The following STK32B variants were observed in gnomAD, a reference collection of about 807,000 sequenced individuals.
STK32B encodes serine/threonine kinase 32B.
Under a neutral mutation model 52.6 loss-of-function variants are expected in STK32B, and 43 were observed. The observed-to-expected ratio is 0.82, with a 90% CI of 0.64 to 1.05. The LOEUF (loss-of-function observed/expected upper bound fraction) is 1.05. STK32B is among the 50% of genes least tolerant of loss of function. The pLI, the probability that STK32B is intolerant of heterozygous loss-of-function variation, is 0.00. For synonymous variants in STK32B, 238 were observed against 204.3 expected (o/e 1.17, Z -1.41); for missense variants, 621 against 534.6 (o/e 1.16, Z -1.59).
intron 3 of STK32B, among the ~76,000 whole-genome samples, chr4:5,256,475 G>A (rs886839403): frequency 6.6e-6 from 1 of 152,134 alleles, no homozygotes; most frequent in Non-Finnish European, 1.5e-5. Context: ...ATTCTTCCCC[G>A]GCTCTAGCTT....
intron 3 of STK32B, among the ~76,000 whole-genome samples, chr4:5,223,816 CAAAAAAA>C (rs1230344719): frequency 6.0e-5 from 6 of 100,682 alleles, no homozygotes; most frequent in Non-Finnish European, 1.0e-4. Context: ...GACTCCGTTT[CAAAAAAA>C]AAAAAAAAAA....
At chr4:5,165,894 T>C (rs1718832815) in intron 2 of STK32B, among the ~76,000 whole-genome samples, 1 of 152,228 alleles carries the variant, frequency 6.6e-6, no homozygotes, top group African/African-American at 2.4e-5. Flanking sequence ...TACATTGAGA[T>C]GCAGTTGACA....
At chr4:5,365,245 G>A (rs530546495) in intron 4 of STK32B, among the ~76,000 whole-genome samples, 4 of 152,232 alleles carry the variant, frequency 2.6e-5, no homozygotes, top group African/African-American at 4.8e-5. Context: ...CCCCTTCTAT[G>A]TTTTCACGGA....
intron 3 of STK32B, among the ~76,000 whole-genome samples, chr4:5,194,158 ACTT>A (rs1198760960): frequency 4.6e-5 from 7 of 152,154 alleles, no homozygotes; most frequent in African/African-American, 1.4e-4. Context: ...GTGTTTTCTT[ACTT>A]CTTTATAGAA....
intron 4 of STK32B, among the ~76,000 whole-genome samples, chr4:5,361,338 A>G (rs1734535914): frequency 6.6e-6 from 1 of 152,208 alleles, no homozygotes; most frequent in Non-Finnish European, 1.5e-5. Flanking sequence ...TATATTCACA[A>G]GTGGAATTGC....
intron 6 of STK32B, chr4:5,437,991 T>A (rs781115529): frequency 2.0e-6 from 2 of 985,534 alleles, no homozygotes; most frequent in Non-Finnish European, 2.4e-6. Flanking sequence ...ATTTGTCGCT[T>A]GTCTGATCAT....
At chr4:5,415,257 T>C (rs1712062998) in intron 5 of STK32B, among the ~76,000 whole-genome samples, 1 of 152,166 alleles carries the variant, frequency 6.6e-6, no homozygotes, top group African/African-American at 2.4e-5. Flanking sequence ...GTGTATAAAC[T>C]CCCTGATTTC....
chr4:5,466,011 A>AT (rs1717399747), intron 9 of STK32B, among the ~76,000 whole-genome samples: 1 of 152,156 alleles, frequency 6.6e-6, no homozygotes, highest in Non-Finnish European at 1.5e-5. Flanking sequence ...CAGAACTGGG[A>AT]TTTTTCCCCT....
intron 3 of STK32B, among the ~76,000 whole-genome samples, chr4:5,213,955 C>T (rs1723044792): frequency 6.6e-6 from 1 of 152,142 alleles, no homozygotes; most frequent in African/African-American, 2.4e-5. Context: ...TGATATTTTC[C>T]TAAATTTTCT....
intron 3 of STK32B, among the ~76,000 whole-genome samples, chr4:5,309,576 C>T (rs559341802): frequency 1.2e-4 from 18 of 152,194 alleles, no homozygotes; most frequent in Non-Finnish European, 2.5e-4. Flanking sequence ...AGAAATAAAT[C>T]CACATATTTA....
chr4:5,035,853 C>T, the STK32B span, among the ~76,000 whole-genome samples: 4 of 150,536 alleles, frequency 2.7e-5, no homozygotes, highest in South Asian at 8.4e-4. Flanking sequence ...GCGATCTTGG[C>T]TCACTGCAAC....
At chr4:5,228,898 C>T (rs979384983) in intron 3 of STK32B, among the ~76,000 whole-genome samples, 4 of 151,948 alleles carry the variant, frequency 2.6e-5, no homozygotes, top group African/African-American at 7.3e-5. Context: ...ACCCAGGAGT[C>T]GGAGGGTGCA....
chr4:5,044,998 T>C, the STK32B span, among the ~76,000 whole-genome samples: 1 of 152,236 alleles, frequency 6.6e-6, no homozygotes, highest in African/African-American at 2.4e-5. Flanking sequence ...AATGTGCTGA[T>C]GCCACCAGCA....
intron 11 of STK32B, among the ~76,000 whole-genome samples, chr4:5,491,705 G>C (rs1158193854): frequency 5.3e-5 from 8 of 151,972 alleles, no homozygotes; most frequent in Admixed American, 1.3e-4. Context: ...GGTTTTTATG[G>C]TTTTAGGTCT....
chr4:5,308,211 C>G (rs574435514), intron 3 of STK32B, among the ~76,000 whole-genome samples: 54 of 152,246 alleles, frequency 3.5e-4, no homozygotes, highest in Middle Eastern at 3.4e-3. Flanking sequence ...TGTCCTTTGT[C>G]TTCAGAGTTC....
the STK32B span, among the ~76,000 whole-genome samples, chr4:5,032,780 A>T: frequency 6.6e-6 from 1 of 152,154 alleles, no homozygotes; most frequent in African/African-American, 2.4e-5. Context: ...GTCCCCATTA[A>T]CCACTAACTC....
intron 3 of STK32B, among the ~76,000 whole-genome samples, chr4:5,244,294 T>C (rs1357073712): frequency 6.6e-6 from 1 of 152,176 alleles, no homozygotes; most frequent in Non-Finnish European, 1.5e-5. Flanking sequence ...TTCTTCCTGG[T>C]TTAGTCTTGG....
At chr4:5,158,092 C>G (rs1718011422) in intron 2 of STK32B, among the ~76,000 whole-genome samples, 1 of 152,182 alleles carries the variant, frequency 6.6e-6, no homozygotes, top group African/African-American at 2.4e-5. Context: ...TGCAGGCTCA[C>G]TCATGAATGG....
chr4:5,216,380 G>A (rs1348484683), intron 3 of STK32B, among the ~76,000 whole-genome samples: 8 of 152,184 alleles, frequency 5.3e-5, no homozygotes, highest in Non-Finnish European at 1.0e-4. Context: ...CTCATGGAGC[G>A]TATGGTCCAG....
Sources: allele counts gnomAD v4.1 joint callset (sites outside exome capture counted in the v4.1 genomes callset), GRCh38; gene constraint gnomAD v4.1.1; transcripts MANE v1.5; gene names NCBI Gene and HGNC (gene_info 2026-07-23, HGNC 2026-07-21).